The following SEPTIN10 variants were observed in gnomAD, a reference collection of about 807,000 sequenced individuals.
SEPTIN10 encodes septin 10.
In SEPTIN10, 66 loss-of-function variants were observed where a neutral mutation model predicts 54.8. The ratio of observed to expected loss-of-function variants is 1.21; its 90% CI spans 0.99 to 1.48. The LOEUF (loss-of-function observed/expected upper bound fraction) is 1.48. Ranked by LOEUF, SEPTIN10 falls within the 40% of genes most tolerant of loss-of-function variation. The probability of loss-of-function intolerance (pLI) is 0.00; values close to 1 mark genes in which losing one functional copy is unlikely to be tolerated. For synonymous variants in SEPTIN10, 161 were observed against 181.0 expected, an observed-to-expected ratio of 0.89 and a Z score of 0.89; for missense variants, 620 against 545.6, an observed-to-expected ratio of 1.14 and a Z score of -1.36.
chr2:109,611,933 A>G (rs995514176), intron 1 of SEPTIN10, among the ~76,000 whole-genome samples: 2 of 152,224 alleles, frequency 1.3e-5, no homozygotes, highest in Non-Finnish European at 2.9e-5. Context: ...GTTTCTTACA[A>G]AACTAAGCAT....
chr2:109,607,372 A>G (rs1698233892), intron 1 of SEPTIN10, among the ~76,000 whole-genome samples: 2 of 152,202 alleles, frequency 1.3e-5, no homozygotes, highest in Non-Finnish European at 2.9e-5. Context: ...AAGAAAAAAC[A>G]TATGTTGCCC....
chr2:109,543,219 T>A lies in SEPTIN10; in HGVS notation c.*1090A>T, dbSNP rs1438554978. On this transcript the variant is annotated 3_prime_UTR_variant, in exon 11 of 11. Transcript: ENST00000397712. ...TAGTTATTTTCTTAAAAAGTATTTT[T>A]AATAAAATGATTCAACCTTATTATT... The A allele has an allele frequency of 6.6e-6, 1 of 152,614 alleles. No homozygotes were observed. Among genetic ancestry groups the A allele is most frequent in the Non-Finnish European group, 1.5e-5 (1 of 68,022 alleles). The allele number at this position is 152,614 out of a possible 1,614,324, so 9.5% of individuals were successfully genotyped here.
At chr2:109,570,027 C>CA (rs149444058) in intron 5 of SEPTIN10, among the ~76,000 whole-genome samples, 13,698 of 147,144 alleles carry the variant, frequency 0.093, 606 homozygotes, top group African/African-American at 0.11. Context: ...ACTGCCCCTA[C>CA]AAAAAAAAAA....
intron 4 of SEPTIN10, among the ~76,000 whole-genome samples, chr2:109,583,525 T>G (rs1691715704): frequency 6.6e-6 from 1 of 152,200 alleles, no homozygotes; most frequent in African/African-American, 2.4e-5. Flanking sequence ...AGGAAATGCT[T>G]GTACCCTGCT....
chr2:109,576,021 C>T (rs1425149356), intron 4 of SEPTIN10, among the ~76,000 whole-genome samples: 2 of 152,094 alleles, frequency 1.3e-5, no homozygotes, highest in Non-Finnish European at 2.9e-5. Flanking sequence ...GTTTGGGAGA[C>T]CAAGGCAGGA....
At chr2:109,592,034 C>T (rs1456956743) in intron 2 of SEPTIN10, among the ~76,000 whole-genome samples, 1 of 152,192 alleles carries the variant, frequency 6.6e-6, no homozygotes, top group Non-Finnish European at 1.5e-5. Flanking sequence ...AATTACCAAA[C>T]CCCTCCCCAC....
chr2:109,555,589 G>A (rs572466408), intron 8 of SEPTIN10, among the ~76,000 whole-genome samples: 15 of 152,306 alleles, frequency 9.8e-5, no homozygotes, highest in South Asian at 2.1e-4. Context: ...GACAAACTGC[G>A]TCTGCCATCC....
intron 4 of SEPTIN10, among the ~76,000 whole-genome samples, chr2:109,579,550 A>C (rs971987754): frequency 6.6e-6 from 1 of 151,446 alleles, no homozygotes; most frequent in African/African-American, 2.4e-5. Context: ...CGCCTGGCTA[A>C]TTTTTGTATT....
intron 9 of SEPTIN10, among the ~76,000 whole-genome samples, chr2:109,548,165 T>C (rs1681809219): frequency 7.4e-6 from 1 of 135,044 alleles, no homozygotes; most frequent in South Asian, 2.5e-4. Flanking sequence ...CTGGTTTAAT[T>C]GTGGCTTACC....
At chr2:109,567,724 C>G in intron 6 of SEPTIN10, 91 bp downstream of exon 6, 1 of 1,227,036 alleles carries the variant, frequency 8.1e-7, no homozygotes, top group Non-Finnish European at 1.1e-6. Flanking sequence ...TTGGAAGACA[C>G]AAGTGAAAGT....
intron 10 of SEPTIN10, chr2:109,544,589 A>G (rs1680700974): frequency 4.1e-6 from 4 of 971,664 alleles, no homozygotes; most frequent in Non-Finnish European, 4.9e-6. Flanking sequence ...GTAAATGTAA[A>G]TTATCTTTCA....
At chr2:109,609,228 A>C (rs1282587493) in intron 1 of SEPTIN10, among the ~76,000 whole-genome samples, 1 of 152,218 alleles carries the variant, frequency 6.6e-6, no homozygotes, top group Non-Finnish European at 1.5e-5. Flanking sequence ...TTTATAATTT[A>C]TTCATTTAAC....
At position 109,548,177 on chromosome 2, in the gene SEPTIN10, CAA is replaced by C. The variant is rs36031306; in HGVS notation, c.1162-1942_1162-1941del. ...GACCTGGTTTAATTGTGGCTTACCT[CAA>C]AAAAAAAAAAAACTAGGGTCTTAAG... On this transcript the variant is annotated intron_variant, in intron 9 of 10. Coordinates refer to ENST00000397712, the MANE Select transcript of SEPTIN10 (RefSeq NM_144710.5). Among the ~76,000 whole-genome samples, 43 of 145,708 alleles carry C rather than the reference CAA, an allele frequency of 3.0e-4. 1 individual carries two copies. Among genetic ancestry groups the C allele is most frequent in the East Asian group, 4.1e-4 (2 of 4,932 alleles).
chr2:109,601,822 T>C (rs181572682), intron 1 of SEPTIN10, among the ~76,000 whole-genome samples: 30 of 152,184 alleles, frequency 2.0e-4, no homozygotes, highest in Admixed American at 1.6e-3. Context: ...TTAAGTTTTC[T>C]AATACTCTAC....
rs536309564 is a variant in SEPTIN10 at position 109,578,609 on chromosome 2, A to G, written c.414-3842T>C. On this transcript the variant is annotated intron_variant, in intron 4 of 10. Coordinates refer to ENST00000397712, the MANE Select transcript of SEPTIN10 (RefSeq NM_144710.5). Reference sequence around the variant, plus strand: ...GGGCGAAACCCCATCTCTACTAAAAATACAAAAATTAGCTCGGAGTGCTGG... The same window carrying G: ...GGGCGAAACCCCATCTCTACTAAAAGTACAAAAATTAGCTCGGAGTGCTGG... 2.0e-5 allele frequency among the ~76,000 whole-genome samples: 3 copies of G among 152,216 alleles called. No homozygotes were observed. The South Asian group carries it at 6.2e-4, about 32-fold the overall frequency.
intron 8 of SEPTIN10, among the ~76,000 whole-genome samples, chr2:109,563,542 C>A (rs1686189215): frequency 6.6e-6 from 1 of 152,222 alleles, no homozygotes; most frequent in Admixed American, 6.5e-5. Flanking sequence ...TCAAATTGAT[C>A]TGATTCAGTA....
intron 1 of SEPTIN10, among the ~76,000 whole-genome samples, chr2:109,600,923 C>T (rs548165965): frequency 4.5e-4 from 69 of 152,328 alleles, no homozygotes; most frequent in Non-Finnish European, 8.4e-4. Flanking sequence ...TACAAATAAA[C>T]AGCCAGATAA....
In SEPTIN10 at chr2:109,574,584, G is replaced by A. The variant is rs779346744; in HGVS notation, c.597C>T (p.Ser199=). The A allele has an allele frequency of 2.6e-6, 4 of 1,526,708 alleles. No individual in the cohort carries two copies. Among genetic ancestry groups the A allele is most frequent in the East Asian group, 2.4e-5 (1 of 42,530 alleles). 94.6% of individuals were successfully genotyped at this position (1,526,708 alleles called of 1,614,324 possible). ...TTGATTCCTTTCCTCAACCCACCTT[G>A]CTGTCAAGGTTCTTCATGGTTAAGA... The part of the protein sequence containing the change: ...LDLLTMKNLD[S]KVNIIPVIAK... The change falls in exon 5 of 11, where the codon AGC becomes AGT. Residue 199 remains serine (S), a synonymous_variant. Coordinates refer to ENST00000397712, the MANE Select transcript of SEPTIN10 (RefSeq NM_144710.5).
intron 8 of SEPTIN10, 67 bp downstream of exon 8, chr2:109,564,299 G>C (rs1686391717): frequency 6.6e-6 from 9 of 1,358,028 alleles, no homozygotes; most frequent in Admixed American, 5.1e-5. Context: ...CATCATCCTG[G>C]ATATATAAAA....
Sources: gnomAD v4.1 joint callset for allele counts (sites outside exome capture counted in the v4.1 genomes callset) on GRCh38, gnomAD v4.1.1 for gene constraint, MANE v1.5 for transcripts, NCBI Gene and HGNC (gene_info 2026-07-23, HGNC 2026-07-21) for gene names.